NEFL: variants seen among roughly 807,000 people sequenced by gnomAD.
NEFL encodes the protein neurofilament light chain, also known as neurofilament light polypeptide.
In NEFL, 36 loss-of-function variants were observed where a neutral mutation model predicts 51.6. The observed-to-expected ratio is 0.70, with a 90% confidence interval of 0.53 to 0.92. The LOEUF is 0.92. Among genes scored for constraint, NEFL ranks in the 40% least tolerant of loss-of-function variants. The pLI, the probability that NEFL is intolerant of heterozygous loss-of-function variation, is 0.00. For synonymous variants in NEFL, 332 were observed against 302.5 expected (o/e 1.10, Z -1.01); for missense variants, 671 against 722.0 (o/e 0.93, Z 0.81).
Position 24,952,704 on chromosome 8 carries a change from C to T in NEFL, c.*106G>A. 6.4e-7 allele frequency: 1 copy of T among 1,556,860 alleles called. No individual in the cohort carries two copies. The highest frequency in any genetic ancestry group is 1.4e-5 in the African/African-American group (1 of 73,336). On this transcript the variant is annotated 3_prime_UTR_variant, in exon 4 of 4. Transcript: ENST00000610854. ...CATCTCAGAATTATACATATATTGACTTTTTAATTCACATAGAATCTGGAA... is the reference window on the plus strand; with the variant it reads ...CATCTCAGAATTATACATATATTGATTTTTTAATTCACATAGAATCTGGAA...
In NEFL at chr8:24,955,240, G is replaced by C. The variant is rs1467324024; in HGVS notation, c.1044+232C>G. 5.4e-6 allele frequency: 3 copies of C among 552,236 alleles called. No individual in the cohort carries two copies. The highest frequency in any genetic ancestry group is 6.3e-6 in the Non-Finnish European group (2 of 315,662). 34.2% of individuals were successfully genotyped at this position (552,236 alleles called of 1,614,324 possible). Reference sequence around the variant, plus strand: ...TCCCCCACCCAACAAGGGCTGGGCAGCTTTAATGCGGAACGCCGGTGCAGC... The same window carrying C: ...TCCCCCACCCAACAAGGGCTGGGCACCTTTAATGCGGAACGCCGGTGCAGC... On this transcript the variant is annotated intron_variant, in intron 1 of 3. Transcript: ENST00000610854. This position sits in a 1 kb window ranked among gnomAD's most constrained non-coding sequence, Gnocchi z 4.0.
intron 3 of NEFL, 128 bp from the exon 4 acceptor site, chr8:24,953,080 C>G: frequency 1.7e-6 from 2 of 1,150,662 alleles, no homozygotes; most frequent in African/African-American, 1.6e-5. Flanking sequence ...TCCACTCTCT[C>G]CAAAAGCACA....
intron 2 of NEFL, 93 bp downstream of exon 2, chr8:24,954,088 T>G: frequency 6.5e-7 from 1 of 1,537,792 alleles, no homozygotes; most frequent in Non-Finnish European, 8.9e-7. Context: ...AAAAGGACTA[T>G]TATTGAAGGT....
At chr8:24,954,411 T>G in intron 1 of NEFL, 106 bp from the exon 2 acceptor site, 1 of 1,252,458 alleles carries the variant, frequency 8.0e-7, no homozygotes, top group East Asian at 2.4e-5. Context: ...AAAATCAAGG[T>G]GCACACCTTT....
In NEFL at chr8:24,952,947, T is replaced by C; in HGVS notation, c.1495A>G (p.Lys499Glu). The C allele has an allele frequency of 5.6e-6, 9 of 1,610,172 alleles. No homozygotes were observed. Among genetic ancestry groups the C allele is most frequent in the Non-Finnish European group, 7.6e-6 (9 of 1,178,726 alleles). Residue 499 changes from lysine to glutamate, a missense_variant, in exon 4 of 4, where the codon AAG (lysine) becomes GAG (glutamate). By Grantham distance (56) the Lys-to-Glu change is moderately conservative (BLOSUM62 1). Transcript: ENST00000610854. ...EEAAEEEEAAKEESEEAKEEE... is the reference protein window; with the variant it reads ...EEAAEEEEAAEEESEEAKEEE... ...TCTTTTGCTTCTTCAGACTCTTCCT[T>C]GGCAGCTTTAACATAAAAAGAAAAT...
rs1042492660 is a variant in NEFL, at chr8:24,951,345, A to G, written c.*1465T>C. 5 of 152,258 alleles carry G rather than the reference A, an allele frequency of 3.3e-5. No individual in the cohort carries two copies. Among genetic ancestry groups the G allele is most frequent in the Non-Finnish European group, 7.3e-5 (5 of 68,046 alleles). 9.4% of individuals were successfully genotyped at this position (152,258 alleles called of 1,614,324 possible). A position where few individuals can be genotyped will look rare whatever the true frequency, so the allele number is the denominator to read the frequency against. On this transcript the variant is annotated 3_prime_UTR_variant, in exon 4 of 4. Coordinates refer to ENST00000610854, the MANE Select transcript of NEFL (RefSeq NM_006158.5). ...TGGTTTCAGGTTAAATTAATAACTTATAGAGATCGTCTAAAAAACAAATAT... is the reference window on the plus strand; with the variant it reads ...TGGTTTCAGGTTAAATTAATAACTTGTAGAGATCGTCTAAAAAACAAATAT...
intron 1 of NEFL, among the ~76,000 whole-genome samples, chr8:24,954,549 T>TA (rs533874894): frequency 7.2e-5 from 11 of 152,326 alleles, no homozygotes; most frequent in Non-Finnish European, 2.9e-5. Context: ...TTTCTTTACT[T>TA]AATACTGTTT....
Position 24,953,477 on chromosome 8 carries a change from T to C in NEFL, c.1488A>G (p.Glu496=). The C allele has an allele frequency of 1.3e-6, 2 of 1,564,744 alleles. No individual in the cohort carries two copies. The highest frequency in any genetic ancestry group is 1.9e-5 in the Admixed American group (1 of 51,760). The part of the protein sequence containing the change: ...AEEEEAAEEE[E]AAKEESEEAK... ...TGCAGGGGTTTTTTCTTATCATACCTTCTTCCTCTTCAGCTGCCTCCTCTT... is the reference window on the plus strand; with the variant it reads ...TGCAGGGGTTTTTTCTTATCATACCCTCTTCCTCTTCAGCTGCCTCCTCTT... Residue 496 remains glutamate, a splice_region_variant and synonymous_variant, in exon 3 of 4, where the codon GAA becomes GAG. Coordinates refer to ENST00000610854, the MANE Select transcript of NEFL (RefSeq NM_006158.5).
chr8:24,953,041 C>G, intron 3 of NEFL, 89 bp from the exon 4 acceptor site: 2 of 1,451,942 alleles, frequency 1.4e-6, no homozygotes, highest in Non-Finnish European at 1.8e-6. Context: ...GCAAACACAA[C>G]TGTCAGAATG....
intron 3 of NEFL, 63 bp from the exon 4 acceptor site, chr8:24,953,015 T>C: frequency 6.6e-7 from 1 of 1,517,680 alleles, no homozygotes. Flanking sequence ...AAAACATGTC[T>C]GCAAAGGTTT....
chr8:24,952,839 C>T lies in NEFL; in HGVS notation c.1603G>A (p.Glu535Lys). 4 of 1,612,892 alleles carry T rather than the reference C, an allele frequency of 2.5e-6. No homozygotes were observed. The highest frequency in any genetic ancestry group is 3.4e-6 in the Non-Finnish European group (4 of 1,178,986). Residue 535 changes from glutamate to lysine, a missense_variant, in exon 4 of 4, where the codon GAG becomes AAG. Physicochemically the swap from Glu to Lys is moderately conservative, Grantham distance 56. Transcript: ENST00000610854. ...TCTTTCTTCTTAGCTGCTTGTTCCT[C>T]CCCAGCACCTTCAACTTTCTTCTCC... ...EEEKKVEGAG[E>K]EQAAKKKD
Position 24,956,087 on chromosome 8 carries a change from G to A in NEFL, c.429C>T (p.Ile143=), listed in dbSNP as rs762989147. 6 of 1,605,434 alleles carry A rather than the reference G, an allele frequency of 3.7e-6. No homozygotes were observed. The Admixed American group carries it at 1.0e-4, about 27-fold the overall frequency. Residue 143 remains isoleucine (I), a synonymous_variant, in exon 1 of 4, where the codon ATC becomes ATT. Coordinates refer to ENST00000610854, the MANE Select transcript of NEFL (RefSeq NM_006158.5). The surrounding 1 kb of genome is among the most constrained non-coding windows in gnomAD (Gnocchi z 5.9). ...CTTCCGCCGCCAGGCGCAGGTCGCGGATCTCCTGCTCGTACAGCGCCCGGA... is the reference window on the plus strand; with the variant it reads ...CTTCCGCCGCCAGGCGCAGGTCGCGAATCTCCTGCTCGTACAGCGCCCGGA... The part of the protein sequence containing the change: ...SRFRALYEQE[I]RDLRLAAEDA...
chr8:24,956,551 G>T lies in NEFL; in HGVS notation c.-36C>A. On this transcript the variant is annotated 5_prime_UTR_variant, in exon 1 of 4. Coordinates refer to ENST00000610854, the MANE Select transcript of NEFL (RefSeq NM_006158.5). This position sits in a 1 kb window ranked among gnomAD's most constrained non-coding sequence, Gnocchi z 5.9. ...GGTGGCTCCCCGGCCCGCGGCGGCG[G>T]TGGGAGCCCGGAGAGAGAGGACAGG... 1.9e-6 allele frequency: 3 copies of T among 1,552,132 alleles called. No individual in the cohort carries two copies. Among genetic ancestry groups the T allele is most frequent in the Non-Finnish European group, 2.6e-6 (3 of 1,145,460 alleles).
chr8:24,955,809 G>A lies in NEFL; in HGVS notation c.707C>T (p.Ala236Val). 6.2e-7 allele frequency: 1 copy of A among 1,612,296 alleles called. No individual in the cohort carries two copies. Among genetic ancestry groups the A allele is most frequent in the Non-Finnish European group, 8.5e-7 (1 of 1,179,856 alleles). ...GGAGATCTGCGCGTACTGGATCTGC[G>A]CCTGCAGTTCGGCGATCTCCTCTTC... ...VHEEEIAELQ[A>V]QIQYAQISVE... The change falls in exon 1 of 4, where the codon GCG becomes GTG. Residue 236 changes from alanine to valine, a missense_variant. Coordinates refer to ENST00000610854, the MANE Select transcript of NEFL (RefSeq NM_006158.5). The surrounding 1 kb of genome is among the most constrained non-coding windows in gnomAD (Gnocchi z 4.0).
Position 24,953,705 on chromosome 8 carries a change from G to A in NEFL, c.1260C>T (p.Gly420=). Residue 420 remains glycine, a synonymous_variant, in exon 3 of 4, where the codon GGC becomes GGT. Transcript: ENST00000610854. The stretch of plus-strand genomic sequence containing the variant: ...TCTGTAAACCGCCGTAGGCAGATCG[G>A]CCAAAGACCTGGGAGCTCTGGGAGT... ...SGYSQSSQVF[G]RSAYGGLQTS... The A allele has an allele frequency of 6.2e-7, 1 of 1,613,988 alleles. No homozygotes were observed.
At position 24,955,750 on chromosome 8, in the gene NEFL, C is replaced by T. The variant is rs2117254600; in HGVS notation, c.766G>A (p.Ala256Thr). 2 of 1,613,522 alleles carry T rather than the reference C, an allele frequency of 1.2e-6. No homozygotes were observed. The highest frequency in any genetic ancestry group is 8.5e-7 in the Non-Finnish European group (1 of 1,179,852). Residue 256 changes from alanine to threonine, a missense_variant, in exon 1 of 4, where the codon GCC becomes ACC. By Grantham distance (58) the Ala-to-Thr change is moderately conservative. Coordinates refer to ENST00000610854, the MANE Select transcript of NEFL (RefSeq NM_006158.5). The surrounding 1 kb of genome is among the most constrained non-coding windows in gnomAD (Gnocchi z 4.0). Reference protein sequence around the residue: ...EMDVTKPDLSAALKDIRAQYE... With the variant: ...EMDVTKPDLSTALKDIRAQYE... ...TGCGCGCGGATGTCCTTGAGCGCGG[C>T]GGAAAGGTCGGGCTTGGTCACGTCC...
chr8:24,953,583 G>T lies in NEFL; in HGVS notation c.1382C>A (p.Ala461Asp). Residue 461 changes from alanine to aspartate, a missense_variant, in exon 3 of 4, where the codon GCC becomes GAC. Physicochemically the swap from Ala to Asp is moderately radical, Grantham distance 126. Transcript: ENST00000610854. ...CTCATCCTTGGCTTCCTCAGCCTTG[G>T]CAGCCTCAATGGTTTCCTCCACTTC... ...QIEVEETIEA[A>D]KAEEAKDEPP... 6.2e-7 allele frequency: 1 copy of T among 1,613,934 alleles called. No homozygotes were observed. The highest frequency in any genetic ancestry group is 2.2e-5 in the East Asian group (1 of 44,876).
At position 24,952,806 on chromosome 8, in the gene NEFL, G is replaced by T. The variant is rs1802987529; in HGVS notation, c.*4C>A. On this transcript the variant is annotated 3_prime_UTR_variant, in exon 4 of 4. Transcript: ENST00000610854. Reference sequence around the variant, plus strand: ...ATTCCTGAAATAATTAAGGAAATGGGGGTTCAATCTTTCTTCTTAGCTGCT... The same window carrying T: ...ATTCCTGAAATAATTAAGGAAATGGTGGTTCAATCTTTCTTCTTAGCTGCT... 6.2e-7 allele frequency: 1 copy of T among 1,613,696 alleles called. No individual in the cohort carries two copies.
Position 24,956,062 on chromosome 8 carries a change from C to A in NEFL, c.454G>T (p.Asp152Tyr), listed in dbSNP as rs1468168819. Reference sequence around the variant, plus strand: ...AGCGCCTGCTTCTCGTTGGTGGCATCTTCCGCCGCCAGGCGCAGGTCGCGG... The same window carrying A: ...AGCGCCTGCTTCTCGTTGGTGGCATATTCCGCCGCCAGGCGCAGGTCGCGG... Reference protein sequence around the residue: ...EIRDLRLAAEDATNEKQALQG... With the variant: ...EIRDLRLAAEYATNEKQALQG... The change falls in exon 1 of 4, where the codon GAT (aspartate) becomes TAT (tyrosine). Residue 152 changes from aspartate (D) to tyrosine (Y), a missense_variant. By Grantham distance (160) the Asp-to-Tyr change is radical (BLOSUM62 -3). Transcript: ENST00000610854. The surrounding 1 kb of genome is among the most constrained non-coding windows in gnomAD (Gnocchi z 5.9). 2 of 1,603,804 alleles carry A rather than the reference C, an allele frequency of 1.2e-6. No homozygotes were observed. The highest frequency in any genetic ancestry group is 1.7e-6 in the Non-Finnish European group (2 of 1,178,460).
Sources: allele counts gnomAD v4.1 joint callset (sites outside exome capture counted in the v4.1 genomes callset), GRCh38; gene constraint gnomAD v4.1.1; non-coding constraint Gnocchi (gnomAD v3.1); transcripts MANE v1.5; gene names NCBI Gene and HGNC (gene_info 2026-07-23, HGNC 2026-07-21).